DNAH5: variants seen among roughly 807,000 people sequenced by gnomAD.
DNAH5 encodes axonemal beta dynein heavy chain 5.
Under a neutral mutation model 518.2 loss-of-function variants are expected in DNAH5, and 372 were observed. The ratio of observed to expected loss-of-function variants is 0.72; its 90% CI spans 0.66 to 0.78. DNAH5 has a LOEUF of 0.78. DNAH5 is among the 30% of genes least tolerant of loss of function. The pLI, the probability that DNAH5 is intolerant of heterozygous loss-of-function variation, is 0.00. For missense variants in DNAH5, 5,523 were observed against 5,687.0 expected (o/e 0.97, Z 0.93); for synonymous variants, 2,039 against 2,025.9 (o/e 1.01, Z -0.17).
chr5:13,772,753 G>T (rs1360500663), intron 55 of DNAH5, among the ~76,000 whole-genome samples: 1 of 141,724 alleles, frequency 7.1e-6, no homozygotes, highest in Non-Finnish European at 1.5e-5. Flanking sequence ...CTTTAAATTA[G>T]AAAAACACAT....
chr5:13,830,854 G>A (rs961756652), intron 35 of DNAH5, 79 bp from the exon 36 acceptor site: 43 of 1,424,722 alleles, frequency 3.0e-5, no homozygotes, highest in Admixed American at 2.6e-4. Context: ...GGCATGAAAC[G>A]CACACAAGAT....
At chr5:13,759,615 C>T (rs959611858) in intron 60 of DNAH5, among the ~76,000 whole-genome samples, 10 of 152,076 alleles carry the variant, frequency 6.6e-5, no homozygotes, top group South Asian at 2.1e-4. Context: ...TTCTGGAAAG[C>T]GTATTTGATA....
At chr5:14,008,894 C>T (rs1207448175) in intron 1 of DNAH5, among the ~76,000 whole-genome samples, 1 of 152,314 alleles carries the variant, frequency 6.6e-6, no homozygotes, top group East Asian at 1.9e-4. Context: ...GCGTTCATTC[C>T]ACCAGTTCTA....
intron 32 of DNAH5, among the ~76,000 whole-genome samples, chr5:13,842,433 A>AAAAGAGAGAGAGAGAG (rs1765338252): frequency 1.6e-5 from 1 of 61,864 alleles, no homozygotes; most frequent in African/African-American, 6.5e-5. Context: ...AAAAGAAAGA[A>AAAAGAGAGAGAGAGAG]AGAAAGAAAG....
At chr5:13,795,482 C>A (rs1456606971) in intron 47 of DNAH5, among the ~76,000 whole-genome samples, 1 of 152,170 alleles carries the variant, frequency 6.6e-6, no homozygotes, top group African/African-American at 2.4e-5. Flanking sequence ...CACATACACC[C>A]TCCCAAGACT....
chr5:13,752,037 T>G, intron 64 of DNAH5, 97 bp downstream of exon 64: 1 of 1,321,412 alleles, frequency 7.6e-7, no homozygotes, highest in Non-Finnish European at 1.1e-6. Context: ...AGGACTCAAA[T>G]TTAAGTTGTT....
chr5:13,755,993 C>T (rs554489019), intron 61 of DNAH5, among the ~76,000 whole-genome samples: 2 of 152,246 alleles, frequency 1.3e-5, no homozygotes, highest in African/African-American at 2.4e-5. Context: ...TCCGTGAGTT[C>T]CCCCCAGCCT....
chr5:13,970,747 C>G (rs1299874975), intron 1 of DNAH5, among the ~76,000 whole-genome samples: 2 of 152,178 alleles, frequency 1.3e-5, no homozygotes, highest in Admixed American at 1.3e-4. Context: ...TTTAGATAAC[C>G]TGACGACTAT....
chr5:13,788,069 T>C (rs1264873995), intron 51 of DNAH5, among the ~76,000 whole-genome samples: 1 of 152,212 alleles, frequency 6.6e-6, no homozygotes, highest in East Asian at 1.9e-4. Flanking sequence ...CCTCTTTTCA[T>C]AAGAAAAGTC....
chr5:13,787,399 T>C (rs999270480), intron 51 of DNAH5, among the ~76,000 whole-genome samples: 8 of 152,204 alleles, frequency 5.3e-5, no homozygotes, highest in African/African-American at 1.4e-4. Context: ...TTCAATTGAC[T>C]GTGTCCTAAC....
chr5:13,790,681 G>T (rs770850548), intron 50 of DNAH5, among the ~76,000 whole-genome samples: 3 of 152,124 alleles, frequency 2.0e-5, no homozygotes, highest in Non-Finnish European at 1.5e-5. Flanking sequence ...TGTGAAGAAG[G>T]TGCCTTGCTT....
intron 1 of DNAH5, among the ~76,000 whole-genome samples, chr5:13,934,434 G>T (rs187479762): frequency 6.6e-6 from 1 of 152,136 alleles, no homozygotes. Flanking sequence ...GGTTTGTAAC[G>T]CAAAAATAAA....
At chr5:13,978,740 T>G (rs1351248388) in intron 1 of DNAH5, among the ~76,000 whole-genome samples, 3 of 152,200 alleles carry the variant, frequency 2.0e-5, no homozygotes, top group Admixed American at 6.5e-5. Flanking sequence ...CCTAAGGATA[T>G]GCAGGCTATA....
At chr5:13,856,034 G>A (rs1767584332) in intron 30 of DNAH5, among the ~76,000 whole-genome samples, 1 of 152,102 alleles carries the variant, frequency 6.6e-6, no homozygotes, top group Non-Finnish European at 1.5e-5. Flanking sequence ...ACTGCCCACA[G>A]GAGAAAGTGG....
At position 13,792,141 on chromosome 5, in the gene DNAH5, C is replaced by T; in HGVS notation, c.8301G>A (p.Val2767=). The change falls in exon 50 of 79, where the codon GTG becomes GTA. Residue 2767 remains valine, a synonymous_variant. Transcript: ENST00000265104. ...TCTGCCATAGTCGGCGTGTCAGAGG[C>T]ACCAATTTTGTCACAGAATCTCTCA... ...EEVRDSVTKL[V]PLTRRLWQMT... is the part of the protein sequence containing the mutation. 6.2e-7 allele frequency: 1 copy of T among 1,613,998 alleles called. No homozygotes were observed. Among genetic ancestry groups the T allele is most frequent in the Non-Finnish European group, 8.5e-7 (1 of 1,179,966 alleles).
intron 78 of DNAH5, among the ~76,000 whole-genome samples, chr5:13,693,511 CA>C (rs1340933022): frequency 3.3e-5 from 5 of 152,126 alleles, no homozygotes; most frequent in Admixed American, 1.3e-4. Context: ...ACATAAGTTT[CA>C]ATATAAAATA....
chr5:13,936,901 C>T lies in DNAH5; in HGVS notation c.58-5657G>A, dbSNP rs1378024429. On this transcript the variant is annotated intron_variant, in intron 1 of 78. Coordinates refer to ENST00000265104, the MANE Select transcript of DNAH5 (RefSeq NM_001369.3). The stretch of plus-strand genomic sequence containing the variant: ...TATTGGGTCTGAGAGTTCTTTTGTG[C>T]CTAAGCAAGGACATCTTTTCCCAGA... 3.3e-5 allele frequency among the ~76,000 whole-genome samples: 5 copies of T among 152,218 alleles called. No individual in the cohort carries two copies. The South Asian group carries it at 8.3e-4, about 25-fold the overall frequency.
In DNAH5 at chr5:13,786,112, G is replaced by A; in HGVS notation, c.8820+67C>T. 2.0e-6 allele frequency: 3 copies of A among 1,465,584 alleles called. No individual in the cohort carries two copies. The South Asian group carries it at 3.4e-5, about 17-fold the overall frequency. The allele number at this position is 1,465,584 out of a possible 1,614,324, so 90.8% of individuals were successfully genotyped here. On this transcript the variant is annotated intron_variant, in intron 52 of 78. Transcript: ENST00000265104. ...CTAGGAAATGAAAATAAGAGAGGGA[G>A]AGGACCATGGTGTGAAGCCAAATGT...
chr5:13,853,044 G>A (rs1328042957), intron 30 of DNAH5, among the ~76,000 whole-genome samples: 2 of 152,240 alleles, frequency 1.3e-5, no homozygotes, highest in African/African-American at 4.8e-5. Flanking sequence ...GCCTCCTCAA[G>A]TGGGTCCCTG....
Sources: gnomAD v4.1 joint callset for allele counts (sites outside exome capture counted in the v4.1 genomes callset) on GRCh38, gnomAD v4.1.1 for gene constraint, MANE v1.5 for transcripts, NCBI Gene and HGNC (gene_info 2026-07-23, HGNC 2026-07-21) for gene names.